The following SKOR2 variants were observed in gnomAD, a reference collection of about 807,000 sequenced individuals.
SKOR2 encodes the protein LBX1 corepressor 1-like protein.
In SKOR2, 47 loss-of-function variants were observed where a neutral mutation model predicts 69.1. The observed-to-expected ratio is 0.68, with a 90% CI of 0.54 to 0.87. The LOEUF (loss-of-function observed/expected upper bound fraction) is 0.87, where lower values mean the gene tolerates loss of function less well. Among genes scored for constraint, SKOR2 ranks in the 40% least tolerant of loss-of-function variants. SKOR2 has a pLI of 0.00. For synonymous variants in SKOR2, 717 were observed against 672.6 expected (o/e 1.07, Z -1.02); for missense variants, 1,404 against 1,472.2 (o/e 0.95, Z 0.76).
At chr18:47,230,626 G>A in intron 5 of SKOR2, 69 bp from the exon 6 acceptor site, 5 of 982,100 alleles carry the variant, frequency 5.1e-6, no homozygotes, top group Non-Finnish European at 6.9e-6. Flanking sequence ...GTTATATATG[G>A]CAATTTATTA....
At position 47,247,163 on chromosome 18, in the gene SKOR2, G is replaced by A; in HGVS notation, c.2021C>T (p.Ser674Leu). The stretch of plus-strand genomic sequence containing the variant: ...CTGCGGGGGCAGCAGCAGAAGCGGC[G>A]ACGGCGGCTGCGGGGGGTGGTGGTG... ...HHHHHPPQPPSPLLLLPPQPD... is the reference protein window; with the variant it reads ...HHHHHPPQPPLPLLLLPPQPD... The change falls in exon 2 of 9, where the codon TCG becomes TTG. Residue 674 changes from serine to leucine, a missense_variant. Around this residue, in one of 3 missense-constraint regions of SKOR2, gnomAD observed 1,266 missense variants for 1,309.9 expected, o/e 0.97. Coordinates refer to ENST00000425639, the MANE Select transcript of SKOR2 (RefSeq NM_001278063.4). This position sits in a 1 kb window ranked among gnomAD's most constrained non-coding sequence, Gnocchi z 6.6. 7.8e-7 allele frequency: 1 copy of A among 1,277,036 alleles called. No individual in the cohort carries two copies. The highest frequency in any genetic ancestry group is 9.9e-7 in the Non-Finnish European group (1 of 1,014,046). 79.1% of individuals were successfully genotyped at this position (1,277,036 alleles called of 1,614,324 possible). A position where few individuals can be genotyped will look rare whatever the true frequency, so the allele number is the denominator to read the frequency against.
intron 3 of SKOR2, 44 bp downstream of exon 3, chr18:47,245,454 T>C (rs1470912938): frequency 7.0e-7 from 1 of 1,438,654 alleles, no homozygotes; most frequent in Admixed American, 2.7e-5. Flanking sequence ...AATGGTTAAA[T>C]GCAGGCAAGA....
At chr18:47,217,245 T>G (rs546789050) in intron 7 of SKOR2, among the ~76,000 whole-genome samples, 3 of 152,236 alleles carry the variant, frequency 2.0e-5, no homozygotes, top group Non-Finnish European at 2.9e-5. Flanking sequence ...ATTACTCACA[T>G]TGGCATAGCA....
chr18:47,236,848 A>C (rs906840601), intron 4 of SKOR2, among the ~76,000 whole-genome samples: 9 of 152,222 alleles, frequency 5.9e-5, no homozygotes, highest in African/African-American at 2.2e-4. Context: ...ACTTCTGCAA[A>C]TCTTACTGAT....
At chr18:47,250,480 G>C (rs1401343260) in intron 1 of SKOR2, among the ~76,000 whole-genome samples, 1 of 152,254 alleles carries the variant, frequency 6.6e-6, no homozygotes, top group African/African-American at 2.4e-5. Flanking sequence ...CATCTCAAGC[G>C]CATTGGCCAA....
intron 6 of SKOR2, 50 bp downstream of exon 6, chr18:47,230,407 TAG>T (rs1295134673): frequency 9.1e-7 from 1 of 1,092,954 alleles, no homozygotes; most frequent in East Asian, 2.9e-5. Flanking sequence ...AGCCTAATAA[TAG>T]AAACGTAATC....
chr18:47,222,394 T>C (rs2064164431), intron 6 of SKOR2, among the ~76,000 whole-genome samples: 1 of 152,128 alleles, frequency 6.6e-6, no homozygotes, highest in Non-Finnish European at 1.5e-5. Context: ...TTGTCTTTCC[T>C]GTGCAGGGGA....
At chr18:47,250,748 G>A (rs551233415) in intron 1 of SKOR2, among the ~76,000 whole-genome samples, 2 of 152,288 alleles carry the variant, frequency 1.3e-5, no homozygotes, top group East Asian at 1.9e-4. Flanking sequence ...TCAAAGGAGA[G>A]GAAAGCCTGC....
At position 47,219,958 on chromosome 18, in the gene SKOR2, C is replaced by T. The variant is rs564805285; in HGVS notation, c.2970G>A (p.Val990=). 25 of 1,535,806 alleles carry T rather than the reference C, an allele frequency of 1.6e-5. No homozygotes were observed. Among genetic ancestry groups the T allele is most frequent in the Non-Finnish European group, 2.2e-5 (25 of 1,146,846 alleles). ...TGCAGCTTACAATTTGTAACTGTTG[C>T]ACCATTTCTTCTCGGTAGGCTAGCT... is the stretch of plus-strand genomic sequence containing the variant. ...KRELAYREEM[V]QQLQIIPYAA... is the part of the protein sequence containing the mutation. Residue 990 remains valine (V), a synonymous_variant, in exon 7 of 9, where the codon GTG becomes GTA. Transcript: ENST00000425639.
At chr18:47,223,504 A>G (rs1374109992) in intron 6 of SKOR2, among the ~76,000 whole-genome samples, 1 of 152,214 alleles carries the variant, frequency 6.6e-6, no homozygotes. Flanking sequence ...AGTTTAACCT[A>G]AGGAAATAAT....
intron 1 of SKOR2, among the ~76,000 whole-genome samples, chr18:47,250,230 G>C (rs1348058773): frequency 6.6e-6 from 1 of 152,178 alleles, no homozygotes; most frequent in African/African-American, 2.4e-5. Flanking sequence ...CCACCATACA[G>C]CCAATCGGTG....
In SKOR2 at chr18:47,245,537, G is replaced by C. The variant is rs1461711510; in HGVS notation, c.2638C>G (p.Gln880Glu). 2.2e-6 allele frequency: 3 copies of C among 1,356,046 alleles called. No homozygotes were observed. The highest frequency in any genetic ancestry group is 2.7e-5 in the South Asian group (2 of 74,520). 84.0% of individuals were successfully genotyped at this position (1,356,046 alleles called of 1,614,324 possible). The change falls in exon 3 of 9, where the codon CAA (glutamine) becomes GAA (glutamate). Residue 880 changes from glutamine to glutamate, a missense_variant. Gln to Glu is a conservative substitution (Grantham distance 29). Coordinates refer to ENST00000425639, the MANE Select transcript of SKOR2 (RefSeq NM_001278063.4). ...TCATCCTTTGTAGATACAATTACTT[G>C]GTTATTTTCCTTAGTTTTCTGACTC... is the stretch of plus-strand genomic sequence containing the variant. ...KDSQKTKENN[Q>E]VIVSTKDDNS... is the part of the protein sequence containing the mutation.
chr18:47,220,523 T>TC (rs1317710263), intron 6 of SKOR2, among the ~76,000 whole-genome samples: 2 of 152,192 alleles, frequency 1.3e-5, no homozygotes, highest in Admixed American at 1.3e-4. Context: ...TCGGCCTGAC[T>TC]CCCCTGTGCA....
In SKOR2 at chr18:47,222,289, C is replaced by G. The variant is rs144837339; in HGVS notation, c.2918-2279G>C. 1.1e-4 allele frequency among the ~76,000 whole-genome samples: 17 copies of G among 150,364 alleles called. No individual in the cohort carries two copies. In the East Asian group the frequency reaches 3.3e-3, roughly 29 times the overall value. On this transcript the variant is annotated intron_variant, in intron 6 of 8. Transcript: ENST00000425639. ...TGAGATTGCACCACTGCACTCCAGT[C>G]TGAGTGACAAAGTGAGACTCTGCCT...
intron 5 of SKOR2, 78 bp from the exon 6 acceptor site, chr18:47,230,635 T>G: frequency 1.1e-6 from 1 of 929,194 alleles, no homozygotes; most frequent in Non-Finnish European, 1.5e-6. Context: ...GGCAATTTAT[T>G]ATTATAAGAC....
At chr18:47,236,227 G>A (rs1196643289) in intron 4 of SKOR2, among the ~76,000 whole-genome samples, 1 of 152,164 alleles carries the variant, frequency 6.6e-6, no homozygotes, top group Non-Finnish European at 1.5e-5. Context: ...CTGAGCTCAT[G>A]TGATCCATCC....
At chr18:47,228,740 A>T (rs562949324) in intron 6 of SKOR2, among the ~76,000 whole-genome samples, 11 of 152,348 alleles carry the variant, frequency 7.2e-5, no homozygotes, top group Non-Finnish European at 1.3e-4. Context: ...CAAAAGTTAG[A>T]GAATCCTAGA....
Position 47,230,438 on chromosome 18 carries a change from GA to G in SKOR2, c.2917+20del. On this transcript the variant is annotated intron_variant, in intron 6 of 8. Coordinates refer to ENST00000425639, the MANE Select transcript of SKOR2 (RefSeq NM_001278063.4). ...CGTAATCAATTATCATAAATACAAT[GA>G]AATAAAAGTGATTTCTTACTGAATA... The G allele has an allele frequency of 7.7e-7, 1 of 1,301,914 alleles. No individual in the cohort carries two copies. Among genetic ancestry groups the G allele is most frequent in the East Asian group, 2.7e-5 (1 of 36,586 alleles). The allele number at this position is 1,301,914 out of a possible 1,614,324, so 80.6% of individuals were successfully genotyped here.
rs2064276869 is a variant in SKOR2, at chr18:47,246,812, C to T, written c.2372G>A (p.Arg791Gln). The T allele has an allele frequency of 7.0e-7, 1 of 1,427,926 alleles. No individual in the cohort carries two copies. 88.5% of individuals were successfully genotyped at this position (1,427,926 alleles called of 1,614,324 possible). A position where few individuals can be genotyped will look rare whatever the true frequency, so the allele number is the denominator to read the frequency against. ...GCTGCTCCCCTTCTCCGACGGCCCT[C>T]GGCCCTGGAGGAACCGGCCGCCCCC... The part of the protein sequence containing the change: ...LVGGGRFLQG[R>Q]GPSEKGSSRD... The change falls in exon 2 of 9, where the codon CGA becomes CAA. Residue 791 changes from arginine to glutamine, a missense_variant. Arg to Gln is a conservative substitution (Grantham distance 43). Transcript: ENST00000425639.
Sources: gnomAD v4.1 joint callset for allele counts (sites outside exome capture counted in the v4.1 genomes callset) on GRCh38, gnomAD v4.1.1 for gene constraint, gnomAD v4.1.1 regional missense constraint, Gnocchi (gnomAD v3.1) non-coding constraint, MANE v1.5 for transcripts, NCBI Gene and HGNC (gene_info 2026-07-23, HGNC 2026-07-21) for gene names.